GREB1L: variants seen among roughly 807,000 people sequenced by gnomAD.
GREB1L encodes GREB1-like protein.
A neutral mutation model predicts 200.8 loss-of-function variants in GREB1L; 17 were observed. That is an observed-to-expected ratio of 0.08 (90% CI 0.06 to 0.13). The LOEUF (loss-of-function observed/expected upper bound fraction) is 0.13. Among genes scored for constraint, GREB1L ranks in the 10% least tolerant of loss-of-function variants. The pLI is 1.00. For missense variants in GREB1L, 1,657 were observed against 2,367.7 expected (o/e 0.70, Z 6.23); for synonymous variants, 789 against 893.0 (o/e 0.88, Z 2.08).
At chr18:21,326,810 G>A (rs1317041308) in intron 1 of GREB1L, among the ~76,000 whole-genome samples, 6 of 152,100 alleles carry the variant, frequency 3.9e-5, no homozygotes, top group Admixed American at 2.6e-4. Flanking sequence ...GAAACTTCCC[G>A]AGCTGTTAAA....
intron 1 of GREB1L, among the ~76,000 whole-genome samples, chr18:21,313,239 G>A (rs1420304479): frequency 6.6e-6 from 1 of 151,938 alleles, no homozygotes; most frequent in Non-Finnish European, 1.5e-5. Flanking sequence ...AGAAAAATAA[G>A]AGCCAGGAAG....
In GREB1L at chr18:21,432,705, C is replaced by CTTT. The variant is rs11380208; in HGVS notation, c.833-6799_833-6797dup. ...AATTATTTAACATTTTCTTTTTTTTCTTTTTTTTTTTTTTTTTTTGAGACA... is the reference window on the plus strand; with the variant it reads ...AATTATTTAACATTTTCTTTTTTTTCTTTTTTTTTTTTTTTTTTTTTTGAGACA... On this transcript the variant is annotated intron_variant, in intron 7 of 32. Coordinates refer to ENST00000424526, the MANE Select transcript of GREB1L (RefSeq NM_001142966.3). Among the ~76,000 whole-genome samples, 142 of 94,346 alleles carry CTTT rather than the reference C, an allele frequency of 1.5e-3. 3 individuals carry two copies. In the South Asian group the frequency reaches 0.018, roughly 12 times the overall value. 61.9% of individuals were successfully genotyped at this position (94,346 alleles called of 152,430 possible).
rs542246227 is a variant in GREB1L at position 21,424,969 on chromosome 18, G to A, written c.833-14552G>A. On this transcript the variant is annotated intron_variant, in intron 7 of 32. Transcript: ENST00000424526. Reference sequence around the variant, plus strand: ...AATGTTTTCAAGGTTCATCCATATCGTAGTATGTATCAGTACTTTATTCCT... The same window carrying A: ...AATGTTTTCAAGGTTCATCCATATCATAGTATGTATCAGTACTTTATTCCT... Among the ~76,000 whole-genome samples, 106 of 152,202 alleles carry A rather than the reference G, an allele frequency of 7.0e-4. No homozygotes were observed. The Middle Eastern group carries it at 0.017, about 24-fold the overall frequency.
chr18:21,457,259 T>C (rs1023083487), intron 15 of GREB1L, among the ~76,000 whole-genome samples: 1 of 150,624 alleles, frequency 6.6e-6, no homozygotes, highest in Admixed American at 6.6e-5. Flanking sequence ...ACCAATTATG[T>C]AAGCTTAGAA....
chr18:21,482,239 G>T (rs957196877), intron 17 of GREB1L, among the ~76,000 whole-genome samples: 1 of 152,144 alleles, frequency 6.6e-6, no homozygotes, highest in Admixed American at 6.5e-5. Context: ...TTGGAAAAAA[G>T]AAGTTGAAAG....
At chr18:21,463,947 C>A (rs968415720) in intron 15 of GREB1L, among the ~76,000 whole-genome samples, 3 of 152,190 alleles carry the variant, frequency 2.0e-5, no homozygotes, top group Admixed American at 2.0e-4. Flanking sequence ...AAGGACATGG[C>A]AGCCTGCCTG....
intron 15 of GREB1L, among the ~76,000 whole-genome samples, chr18:21,460,881 G>C (rs2035015419): frequency 6.6e-6 from 1 of 151,720 alleles, no homozygotes; most frequent in Admixed American, 6.6e-5. Context: ...TGGATCACCT[G>C]AGGTCAGGAG....
intron 1 of GREB1L, among the ~76,000 whole-genome samples, chr18:21,251,408 A>T (rs1242959038): frequency 6.6e-6 from 1 of 152,300 alleles, no homozygotes; most frequent in South Asian, 2.1e-4. Flanking sequence ...GCTTGTCTTT[A>T]TTCTTTTAAA....
At chr18:21,297,021 C>T (rs1486011290) in intron 1 of GREB1L, among the ~76,000 whole-genome samples, 1 of 152,030 alleles carries the variant, frequency 6.6e-6, no homozygotes, top group African/African-American at 2.4e-5. Flanking sequence ...AGTGTACAGC[C>T]GAGGTGAGGG....
chr18:21,341,375 T>C (rs751767172), intron 1 of GREB1L, among the ~76,000 whole-genome samples: 12 of 152,088 alleles, frequency 7.9e-5, no homozygotes, highest in Admixed American at 2.0e-4. Flanking sequence ...GCAATCATCT[T>C]GAAATATGAC....
intron 1 of GREB1L, among the ~76,000 whole-genome samples, chr18:21,261,829 A>G (rs1223119620): frequency 2.0e-5 from 3 of 152,118 alleles, no homozygotes; most frequent in African/African-American, 7.2e-5. Flanking sequence ...ATCAAAGAAA[A>G]GACTTTTGTT....
intron 1 of GREB1L, among the ~76,000 whole-genome samples, chr18:21,276,854 G>T (rs1489845690): frequency 6.7e-6 from 1 of 150,180 alleles, no homozygotes; most frequent in Non-Finnish European, 1.5e-5. Flanking sequence ...AAGCGTTTTT[G>T]ATACTTCTTT....
At chr18:21,310,209 C>T (rs1247652517) in intron 1 of GREB1L, among the ~76,000 whole-genome samples, 1 of 152,064 alleles carries the variant, frequency 6.6e-6, no homozygotes, top group African/African-American at 2.4e-5. Context: ...AAATGTTGGG[C>T]AGAAAAGGTT....
At chr18:21,501,171 G>A (rs1455516246) in intron 23 of GREB1L, among the ~76,000 whole-genome samples, 3 of 151,684 alleles carry the variant, frequency 2.0e-5, no homozygotes, top group Admixed American at 1.3e-4. Context: ...TGAGGTCAGG[G>A]ATGGTGTATT....
chr18:21,510,236 G>C (rs1188094974), intron 27 of GREB1L, among the ~76,000 whole-genome samples: 1 of 151,050 alleles, frequency 6.6e-6, no homozygotes, highest in East Asian at 1.9e-4. Flanking sequence ...AAAAAGTACT[G>C]CTTTAATACT....
At position 21,490,298 on chromosome 18, in the gene GREB1L, G is replaced by A; in HGVS notation, c.2977G>A (p.Gly993Arg). ...GCAGTATCGGTTTGAGATCATCCTT[G>A]GGAACCCGGCCACCGAACTCAGTGT... ...GLQYRFEIIL[G>R]NPATELSVAT... The change falls in exon 19 of 33, where the codon GGG becomes AGG. Residue 993 changes from glycine to arginine, a missense_variant. Gly to Arg is a moderately radical substitution (Grantham distance 125). Coordinates refer to ENST00000424526, the MANE Select transcript of GREB1L (RefSeq NM_001142966.3). 1.3e-6 allele frequency: 2 copies of A among 1,551,884 alleles called. No homozygotes were observed. The highest frequency in any genetic ancestry group is 1.7e-6 in the Non-Finnish European group (2 of 1,147,022).
intron 1 of GREB1L, among the ~76,000 whole-genome samples, chr18:21,245,906 A>G (rs1456571232): frequency 6.6e-6 from 1 of 151,872 alleles, no homozygotes; most frequent in Admixed American, 6.6e-5. Flanking sequence ...TTTAGTAGAG[A>G]TGGGGTTTCA....
At chr18:21,504,768 G>A (rs2036944192) in intron 23 of GREB1L, among the ~76,000 whole-genome samples, 1 of 152,184 alleles carries the variant, frequency 6.6e-6, no homozygotes, top group African/African-American at 2.4e-5. Context: ...GGTTGAGGCT[G>A]CATTAATGCT....
chr18:21,287,388 A>C (rs2038375272), intron 1 of GREB1L, among the ~76,000 whole-genome samples: 1 of 152,252 alleles, frequency 6.6e-6, no homozygotes, highest in East Asian at 1.9e-4. Context: ...GCCATTTGAG[A>C]TATATGTTCC....
Sources: allele counts gnomAD v4.1 joint callset (sites outside exome capture counted in the v4.1 genomes callset), GRCh38; gene constraint gnomAD v4.1.1; transcripts MANE v1.5; gene names NCBI Gene and HGNC (gene_info 2026-07-23, HGNC 2026-07-21).